Variants in ENTREP2 observed in about 807,000 individuals in gnomAD.
ENTREP2 encodes endosomal transmembrane epsin interactor 2, also known as protein ENTREP2.
At chr15:29,149,615 C>G in the ENTREP2 span, among the ~76,000 whole-genome samples, 1 of 152,228 alleles carries the variant, frequency 6.6e-6, no homozygotes. Flanking sequence ...TCTGTGAGGA[C>G]AGCAGGGCAC....
At chr15:29,410,293 T>C in the ENTREP2 span, among the ~76,000 whole-genome samples, 1 of 152,194 alleles carries the variant, frequency 6.6e-6, no homozygotes, top group African/African-American at 2.4e-5. Context: ...TTTTGCACTT[T>C]ACAAAAACAG....
At chr15:29,451,424 G>C in the ENTREP2 span, among the ~76,000 whole-genome samples, 1 of 152,114 alleles carries the variant, frequency 6.6e-6, no homozygotes, top group Non-Finnish European at 1.5e-5. Flanking sequence ...ACAGCACACC[G>C]ACCCCACAGA....
the ENTREP2 span, among the ~76,000 whole-genome samples, chr15:29,598,870 G>A: frequency 6.6e-6 from 1 of 152,078 alleles, no homozygotes; most frequent in Non-Finnish European, 1.5e-5. Context: ...CTAATTTTTT[G>A]TATTTTTAGT....
the ENTREP2 span, among the ~76,000 whole-genome samples, chr15:29,479,937 A>G: frequency 2.6e-5 from 4 of 152,126 alleles, no homozygotes; most frequent in African/African-American, 9.7e-5. Flanking sequence ...AGAAAGGAAA[A>G]GCAATGTGGT....
the ENTREP2 span, among the ~76,000 whole-genome samples, chr15:29,401,793 G>A: frequency 6.6e-6 from 1 of 152,162 alleles, no homozygotes; most frequent in African/African-American, 2.4e-5. Flanking sequence ...ATGAATATGT[G>A]CATTATAAAG....
At chr15:29,606,523 C>T in the ENTREP2 span, among the ~76,000 whole-genome samples, 2 of 152,034 alleles carry the variant, frequency 1.3e-5, no homozygotes, top group Non-Finnish European at 2.9e-5. Flanking sequence ...ATTTGCTATG[C>T]CCTTTACACT....
At chr15:29,657,289 C>T in the ENTREP2 span, among the ~76,000 whole-genome samples, 187 of 151,684 alleles carry the variant, frequency 1.2e-3, 7 homozygotes, top group Non-Finnish European at 3.1e-4. Flanking sequence ...GCAAATCTCT[C>T]GACCTCCTGA....
chr15:29,129,586 G>A, the ENTREP2 span, among the ~76,000 whole-genome samples: 40 of 152,300 alleles, frequency 2.6e-4, no homozygotes, highest in East Asian at 2.1e-3. Context: ...GGGGTTAAGC[G>A]ATCCTCAGGC....
chr15:29,563,656 C>T, the ENTREP2 span, among the ~76,000 whole-genome samples: 1 of 152,066 alleles, frequency 6.6e-6, no homozygotes, highest in Non-Finnish European at 1.5e-5. Context: ...CATGGCAAAA[C>T]CACGTCTCTA....
the ENTREP2 span, chr15:29,233,907 G>C: frequency 6.3e-7 from 1 of 1,575,886 alleles, no homozygotes; most frequent in South Asian, 1.1e-5. Flanking sequence ...GATGTAGATG[G>C]CTGAAGAAAC....
chr15:29,156,177 C>T, the ENTREP2 span, among the ~76,000 whole-genome samples: 12 of 151,774 alleles, frequency 7.9e-5, no homozygotes, highest in South Asian at 4.2e-4. Context: ...GTGGTGGTGG[C>T]GTTTTTGTTT....
the ENTREP2 span, among the ~76,000 whole-genome samples, chr15:29,273,800 A>G: frequency 6.6e-6 from 1 of 152,084 alleles, no homozygotes; most frequent in East Asian, 1.9e-4. Context: ...TCAGACTCCA[A>G]GTTCTTCAGC....
the ENTREP2 span, among the ~76,000 whole-genome samples, chr15:29,504,357 C>A: frequency 6.6e-6 from 1 of 152,118 alleles, no homozygotes; most frequent in African/African-American, 2.4e-5. Flanking sequence ...GAAAACAATA[C>A]CAACTGTGAA....
chr15:29,490,729 T>C, the ENTREP2 span, among the ~76,000 whole-genome samples: 1 of 152,168 alleles, frequency 6.6e-6, no homozygotes, highest in Non-Finnish European at 1.5e-5. Flanking sequence ...CACAGAGTGC[T>C]GACTGGTGCA....
the ENTREP2 span, among the ~76,000 whole-genome samples, chr15:29,340,785 G>C: frequency 6.6e-6 from 1 of 152,180 alleles, no homozygotes; most frequent in African/African-American, 2.4e-5. Flanking sequence ...ATGTATGAGA[G>C]ATGGGTGGAT....
chr15:29,323,680 C>T, the ENTREP2 span, among the ~76,000 whole-genome samples: 11 of 152,048 alleles, frequency 7.2e-5, no homozygotes, highest in South Asian at 2.3e-3. Context: ...AGGCTCTGCA[C>T]CAGTGAGGTC....
At chr15:29,385,428 A>G in the ENTREP2 span, among the ~76,000 whole-genome samples, 6 of 152,316 alleles carry the variant, frequency 3.9e-5, no homozygotes, top group South Asian at 1.0e-3. Context: ...TCCAAGTATC[A>G]TTAATAACTA....
the ENTREP2 span, among the ~76,000 whole-genome samples, chr15:29,243,078 G>A: frequency 4.6e-5 from 7 of 152,224 alleles, no homozygotes; most frequent in South Asian, 4.1e-4. Flanking sequence ...ACAGCGCTCC[G>A]AGTCCAGTGG....
the ENTREP2 span, among the ~76,000 whole-genome samples, chr15:29,389,764 T>C: frequency 2.0e-5 from 3 of 152,102 alleles, no homozygotes; most frequent in Non-Finnish European, 4.4e-5. Flanking sequence ...TCCCTGTCAT[T>C]GTGACTCCAG....
Sources: gnomAD v4.1 joint callset for allele counts (sites outside exome capture counted in the v4.1 genomes callset) on GRCh38, gnomAD v4.1.1 for gene constraint, MANE v1.5 for transcripts, NCBI Gene and HGNC (gene_info 2026-07-23, HGNC 2026-07-21) for gene names.